The following RTN1 variants were observed in gnomAD, a reference collection of about 807,000 sequenced individuals.
RTN1 encodes reticulon 1, also known as reticulon-1.
Under a neutral mutation model 65.5 loss-of-function variants are expected in RTN1, and 25 were observed. The ratio of observed to expected loss-of-function variants is 0.38; its 90% CI spans 0.28 to 0.53. RTN1 has a LOEUF of 0.53. RTN1 is among the 20% of genes least tolerant of loss of function. The pLI, the probability that RTN1 is intolerant of heterozygous loss-of-function variation, is 0.79. For missense variants in RTN1, 983 were observed against 1,025.4 expected (o/e 0.96, Z 0.57); for synonymous variants, 471 against 447.6 (o/e 1.05, Z -0.66).
chr14:59,644,803 C>T (rs1882855243), intron 3 of RTN1, among the ~76,000 whole-genome samples: 2 of 151,916 alleles, frequency 1.3e-5, no homozygotes, highest in African/African-American at 4.8e-5. Context: ...TCAGTACAGC[C>T]ACCCTACAGA....
chr14:59,678,861 A>C (rs1883684286), intron 3 of RTN1, among the ~76,000 whole-genome samples: 1 of 152,224 alleles, frequency 6.6e-6, no homozygotes, highest in African/African-American at 2.4e-5. Flanking sequence ...CCCCAGGCTT[A>C]CTTAGTCAGA....
chr14:59,808,402 C>A (rs1387657313), intron 1 of RTN1, among the ~76,000 whole-genome samples: 1 of 152,198 alleles, frequency 6.6e-6, no homozygotes, highest in Non-Finnish European at 1.5e-5. Context: ...TCCCAGTGGG[C>A]TCATCCTCAA....
rs1420299867 is a variant in RTN1, at chr14:59,643,578, A to G, written c.1766-36086T>C. ...CTAGTTGAAGGCTGAAACTTTGTGA[A>G]CTTGAGACATTTGAGCACTACTATC... On this transcript the variant is annotated intron_variant, in intron 3 of 8. Coordinates refer to ENST00000267484, the MANE Select transcript of RTN1 (RefSeq NM_021136.3). 2.6e-5 allele frequency among the ~76,000 whole-genome samples: 4 copies of G among 152,284 alleles called. No individual in the cohort carries two copies. In the East Asian group the frequency reaches 7.7e-4, roughly 29 times the overall value.
chr14:59,832,139 G>A (rs1887135334), intron 1 of RTN1, among the ~76,000 whole-genome samples: 2 of 152,012 alleles, frequency 1.3e-5, no homozygotes, highest in African/African-American at 4.8e-5. Context: ...AATGGATATG[G>A]ACCAAAAAAA....
chr14:59,790,739 C>T lies in RTN1; in HGVS notation c.242-44258G>A, dbSNP rs946973099. On this transcript the variant is annotated intron_variant, in intron 1 of 8. Coordinates refer to ENST00000267484, the MANE Select transcript of RTN1 (RefSeq NM_021136.3). This position sits in a 1 kb window ranked among gnomAD's most constrained non-coding sequence, Gnocchi z 4.1. Reference sequence around the variant, plus strand: ...TAATGTTTTTTCTTTTTCATTTGTTCTATTTCCTACCCCAGATATACTGAT... The same window carrying T: ...TAATGTTTTTTCTTTTTCATTTGTTTTATTTCCTACCCCAGATATACTGAT... 2.0e-4 allele frequency among the ~76,000 whole-genome samples: 30 copies of T among 151,928 alleles called. No individual in the cohort carries two copies. The highest frequency in any genetic ancestry group is 7.0e-4 in the African/African-American group (29 of 41,384).
intron 1 of RTN1, among the ~76,000 whole-genome samples, chr14:59,772,626 A>G (rs1445691683): frequency 3.9e-5 from 6 of 151,934 alleles, no homozygotes; most frequent in Non-Finnish European, 5.9e-5. Flanking sequence ...TCATAAAACT[A>G]TGATGCATGT....
chr14:59,643,432 C>G (rs1409653831), intron 3 of RTN1, among the ~76,000 whole-genome samples: 1 of 152,146 alleles, frequency 6.6e-6, no homozygotes. Context: ...CTTGGTCAGG[C>G]TGGTCTCGGA....
intron 1 of RTN1, among the ~76,000 whole-genome samples, chr14:59,811,611 T>C (rs1221498196): frequency 6.6e-6 from 1 of 152,208 alleles, no homozygotes; most frequent in African/African-American, 2.4e-5. Context: ...CTTAAAGTTC[T>C]ATATGCCTTG....
At position 59,770,820 on chromosome 14, in the gene RTN1, C is replaced by A. The variant is rs181664053; in HGVS notation, c.242-24339G>T. On this transcript the variant is annotated intron_variant, in intron 1 of 8. Coordinates refer to ENST00000267484, the MANE Select transcript of RTN1 (RefSeq NM_021136.3). ...CTGTAATCCCAGCACTTTGGGAGGC[C>A]GAGGCAGGTGGATCACGAGGTCAAT... Among the ~76,000 whole-genome samples, 10 of 152,158 alleles carry A rather than the reference C, an allele frequency of 6.6e-5. No homozygotes were observed. In the South Asian group the frequency reaches 2.1e-3, roughly 32 times the overall value.
chr14:59,625,304 G>A (rs1051529062), intron 3 of RTN1, among the ~76,000 whole-genome samples: 3 of 152,104 alleles, frequency 2.0e-5, no homozygotes, highest in African/African-American at 4.8e-5. Context: ...TCAGTATTTC[G>A]TCAACCTTTC....
intron 1 of RTN1, among the ~76,000 whole-genome samples, chr14:59,782,275 G>C (rs2139576169): frequency 6.6e-6 from 1 of 152,260 alleles, no homozygotes; most frequent in South Asian, 2.1e-4. Flanking sequence ...GGATAGAAGA[G>C]TACATAGACT....
intron 3 of RTN1, among the ~76,000 whole-genome samples, chr14:59,707,204 G>A (rs1884313718): frequency 6.6e-6 from 1 of 152,186 alleles, no homozygotes; most frequent in South Asian, 2.1e-4. Context: ...CATGGTTAAT[G>A]TTGAAACATA....
intron 3 of RTN1, among the ~76,000 whole-genome samples, chr14:59,635,106 C>T (rs1282248566): frequency 6.6e-6 from 1 of 152,112 alleles, no homozygotes; most frequent in African/African-American, 2.4e-5. Flanking sequence ...AATACCCCGA[C>T]CCACATTATA....
At chr14:59,678,067 G>C (rs921325616) in intron 3 of RTN1, among the ~76,000 whole-genome samples, 2 of 152,166 alleles carry the variant, frequency 1.3e-5, no homozygotes, top group African/African-American at 4.8e-5. Flanking sequence ...CTACCACGCT[G>C]TGGCCTGAGA....
chr14:59,742,623 T>A (rs528977444), intron 2 of RTN1, among the ~76,000 whole-genome samples: 96 of 152,340 alleles, frequency 6.3e-4, no homozygotes, highest in African/African-American at 2.3e-3. Flanking sequence ...TAACCCAAAT[T>A]AGAATTTCTC....
intron 3 of RTN1, among the ~76,000 whole-genome samples, chr14:59,637,843 G>A (rs927903188): frequency 6.6e-6 from 1 of 151,950 alleles, no homozygotes; most frequent in Non-Finnish European, 1.5e-5. Flanking sequence ...TAATATGGCA[G>A]CTATAGACTT....
chr14:59,850,952 T>A (rs1157370177), intron 1 of RTN1, among the ~76,000 whole-genome samples: 2 of 152,328 alleles, frequency 1.3e-5, no homozygotes, highest in East Asian at 3.9e-4. Context: ...CATTTCCATT[T>A]CACTAAGAAA....
At chr14:59,701,367 C>T (rs1358298705) in intron 3 of RTN1, among the ~76,000 whole-genome samples, 5 of 152,194 alleles carry the variant, frequency 3.3e-5, no homozygotes, top group South Asian at 2.1e-4. Context: ...AAAACCTGTA[C>T]ATGAATGGTC....
At chr14:59,860,709 G>A (rs537886448) in intron 1 of RTN1, among the ~76,000 whole-genome samples, 1 of 152,276 alleles carries the variant, frequency 6.6e-6, no homozygotes, top group South Asian at 2.1e-4. Context: ...CAAGACCATG[G>A]GAACCCACCT....
Sources: gnomAD v4.1 joint callset for allele counts (sites outside exome capture counted in the v4.1 genomes callset) on GRCh38, gnomAD v4.1.1 for gene constraint, Gnocchi (gnomAD v3.1) non-coding constraint, MANE v1.5 for transcripts, NCBI Gene and HGNC (gene_info 2026-07-23, HGNC 2026-07-21) for gene names.